The following SLC2A13 variants were observed in gnomAD, a reference collection of about 807,000 sequenced individuals.
SLC2A13 encodes the protein proton myo-inositol cotransporter.
SLC2A13 carries 32 observed loss-of-function variants against 64.4 expected under a neutral mutation model. That is an observed-to-expected ratio of 0.50 (90% CI 0.37 to 0.67). The LOEUF is 0.67. Ranked by LOEUF, SLC2A13 falls within the 30% of genes least tolerant of loss-of-function variation. The pLI, the probability that SLC2A13 is intolerant of heterozygous loss-of-function variation, is 0.00. For synonymous variants in SLC2A13, 338 were observed against 327.1 expected (o/e 1.03, Z -0.36); for missense variants, 743 against 829.2 (o/e 0.90, Z 1.28).
chr12:39,938,415 C>A (rs78645231), intron 4 of SLC2A13, among the ~76,000 whole-genome samples: 7 of 144,678 alleles, frequency 4.8e-5, no homozygotes, highest in Admixed American at 4.1e-4. Flanking sequence ...AAAAAAAAAA[C>A]ACAACAAAAA....
intron 3 of SLC2A13, among the ~76,000 whole-genome samples, chr12:39,997,564 C>T (rs1947252352): frequency 2.0e-5 from 3 of 152,196 alleles, no homozygotes; most frequent in African/African-American, 7.2e-5. Flanking sequence ...GGCATAATGG[C>T]TCACGCCTGT....
chr12:39,820,700 G>A (rs932155443), intron 7 of SLC2A13, among the ~76,000 whole-genome samples: 1 of 64,548 alleles, frequency 1.5e-5, no homozygotes, highest in African/African-American at 6.4e-5. Context: ...TATAATCTTC[G>A]GCTTAAATTT....
rs528345554 is a variant in SLC2A13, at chr12:39,830,335, C to G, written c.1320-107G>C. ...ATTTTCCACTCTCTTGTGCAGTAAG[C>G]TTGGGGCCTTGGGACTTGTTTTGGC... On this transcript the variant is annotated intron_variant, in intron 6 of 9. Transcript: ENST00000280871. The G allele has an allele frequency of 6.8e-6, 10 of 1,477,378 alleles. No individual in the cohort carries two copies. In the South Asian group the frequency reaches 1.1e-4, roughly 17 times the overall value. 91.5% of individuals were successfully genotyped at this position (1,477,378 alleles called of 1,614,324 possible).
At chr12:39,966,125 G>GTATATA (rs71441878) in intron 3 of SLC2A13, among the ~76,000 whole-genome samples, 2 of 147,132 alleles carry the variant, frequency 1.4e-5, no homozygotes, top group Admixed American at 1.4e-4. Context: ...ATGTGTGTGT[G>GTATATA]TATATATATA....
intron 7 of SLC2A13, among the ~76,000 whole-genome samples, chr12:39,820,720 TATATATATATA>T (rs1942473241): frequency 1.6e-3 from 1 of 622 alleles, no homozygotes; most frequent in Admixed American, 0.017. Flanking sequence ...TTTAAATTTA[TATATATATATA>T]TATATATATA....
chr12:39,983,338 T>C (rs1449058851), intron 3 of SLC2A13, among the ~76,000 whole-genome samples: 1 of 117,868 alleles, frequency 8.5e-6, no homozygotes, highest in Admixed American at 9.3e-5. Context: ...GGGATCTAAT[T>C]AAACTAAAGA....
chr12:40,069,890 C>G (rs1465603663), intron 1 of SLC2A13, among the ~76,000 whole-genome samples: 1 of 152,000 alleles, frequency 6.6e-6, no homozygotes. Context: ...CTCATTATTT[C>G]TTATATACAA....
At chr12:40,066,875 A>G (rs1592053957) in intron 1 of SLC2A13, among the ~76,000 whole-genome samples, 1 of 152,228 alleles carries the variant, frequency 6.6e-6, no homozygotes, top group East Asian at 1.9e-4. Flanking sequence ...CAAAGTTGAC[A>G]AAAAGCTTTT....
At chr12:39,933,176 C>T (rs1382590122) in intron 4 of SLC2A13, among the ~76,000 whole-genome samples, 1 of 152,184 alleles carries the variant, frequency 6.6e-6, no homozygotes, top group Non-Finnish European at 1.5e-5. Context: ...TTACAGTCAG[C>T]TGAGATGGCA....
At chr12:40,098,095 GTATT>G (rs1017708590) in intron 1 of SLC2A13, among the ~76,000 whole-genome samples, 5 of 151,310 alleles carry the variant, frequency 3.3e-5, no homozygotes, top group African/African-American at 7.3e-5. Context: ...GCATATATGT[GTATT>G]TATTTTTATA....
chr12:39,942,318 A>G (rs1330957571), intron 4 of SLC2A13, among the ~76,000 whole-genome samples: 1 of 152,166 alleles, frequency 6.6e-6, no homozygotes, highest in Admixed American at 6.5e-5. Context: ...TCATGTTCAC[A>G]ATATTGATTC....
chr12:39,962,329 G>T (rs1946428709), intron 3 of SLC2A13, among the ~76,000 whole-genome samples: 1 of 152,206 alleles, frequency 6.6e-6, no homozygotes, highest in African/African-American at 2.4e-5. Flanking sequence ...AACCTCAGGT[G>T]ATACGCCCAC....
intron 3 of SLC2A13, among the ~76,000 whole-genome samples, chr12:39,969,111 C>G (rs1310965833): frequency 6.6e-6 from 1 of 152,008 alleles, no homozygotes; most frequent in East Asian, 1.9e-4. Context: ...CATCCATGTC[C>G]CTACAAAGGA....
intron 7 of SLC2A13, among the ~76,000 whole-genome samples, chr12:39,821,309 C>G (rs1942501075): frequency 6.6e-6 from 1 of 151,860 alleles, no homozygotes; most frequent in Non-Finnish European, 1.5e-5. Context: ...ACTCGGGAGG[C>G]TGAGGCAGGA....
chr12:40,096,335 T>G (rs948785851), intron 1 of SLC2A13, among the ~76,000 whole-genome samples: 20 of 152,138 alleles, frequency 1.3e-4, no homozygotes, highest in Admixed American at 1.2e-3. Flanking sequence ...ATTTACTAAC[T>G]GTATTTTTCT....
intron 4 of SLC2A13, among the ~76,000 whole-genome samples, chr12:39,896,312 A>G (rs1055442497): frequency 8.5e-5 from 11 of 129,456 alleles, no homozygotes; most frequent in South Asian, 8.0e-4. Flanking sequence ...ATGTATACAT[A>G]TATGTATGTA....
intron 3 of SLC2A13, among the ~76,000 whole-genome samples, chr12:39,956,476 A>G (rs1399386876): frequency 6.6e-6 from 1 of 152,232 alleles, no homozygotes; most frequent in East Asian, 1.9e-4. Flanking sequence ...GCTGCTAAAA[A>G]TCAACAACAA....
intron 1 of SLC2A13, among the ~76,000 whole-genome samples, chr12:40,103,054 A>T (rs1408122313): frequency 6.6e-6 from 1 of 152,186 alleles, no homozygotes; most frequent in African/African-American, 2.4e-5. Flanking sequence ...GAGATGGGCC[A>T]CACCAGAACT....
chr12:39,841,027 C>T (rs565855492), intron 6 of SLC2A13, among the ~76,000 whole-genome samples: 1 of 152,154 alleles, frequency 6.6e-6, no homozygotes, highest in African/African-American at 2.4e-5. Flanking sequence ...TTACAATTCA[C>T]GGCTCTCAGA....
Sources: allele counts gnomAD v4.1 joint callset (sites outside exome capture counted in the v4.1 genomes callset), GRCh38; gene constraint gnomAD v4.1.1; transcripts MANE v1.5; gene names NCBI Gene and HGNC (gene_info 2026-07-23, HGNC 2026-07-21).